Variants in RPS6KB1 observed in about 807,000 individuals in gnomAD.
The protein encoded by RPS6KB1 is ribosomal protein S6 kinase beta-1.
In RPS6KB1, 12 loss-of-function variants were observed where a neutral mutation model predicts 70.2. The ratio of observed to expected loss-of-function variants is 0.17; its 90% confidence interval spans 0.11 to 0.28. The LOEUF (loss-of-function observed/expected upper bound fraction) is 0.28, where lower values mean the gene tolerates loss of function less well. RPS6KB1 is among the 10% of genes least tolerant of loss of function. The pLI is 1.00. For missense variants in RPS6KB1, 270 were observed against 646.6 expected (o/e 0.42, Z 6.32); for synonymous variants, 175 against 211.2 (o/e 0.83, Z 1.49).
At chr17:59,942,234 C>T (rs1056106932) in intron 13 of RPS6KB1, among the ~76,000 whole-genome samples, 3 of 152,140 alleles carry the variant, frequency 2.0e-5, no homozygotes, top group African/African-American at 4.8e-5. Flanking sequence ...CATGAGCCAC[C>T]GTGCCAGGCC....
intron 4 of RPS6KB1, among the ~76,000 whole-genome samples, chr17:59,923,773 G>T (rs2043420810): frequency 6.6e-6 from 1 of 152,036 alleles, no homozygotes; most frequent in African/African-American, 2.4e-5. Context: ...CTCCCAAAGT[G>T]CTGGAATTAC....
chr17:59,942,017 C>T (rs1446775583), intron 13 of RPS6KB1, among the ~76,000 whole-genome samples: 1 of 152,158 alleles, frequency 6.6e-6, no homozygotes, highest in Non-Finnish European at 1.5e-5. Context: ...CGCCACCACG[C>T]CAGGCTAATT....
intron 1 of RPS6KB1, among the ~76,000 whole-genome samples, chr17:59,897,732 C>T (rs138386318): frequency 3.9e-5 from 6 of 152,024 alleles, no homozygotes; most frequent in Non-Finnish European, 4.4e-5. Context: ...TTTGGGAGGC[C>T]GAGGCAGGTG....
rs562181193 is a variant in RPS6KB1 at position 59,904,618 on chromosome 17, T to G, written c.142-5944T>G. Among the ~76,000 whole-genome samples, 101 of 151,720 alleles carry G rather than the reference T, an allele frequency of 6.7e-4. 1 individual carries two copies. The South Asian group carries it at 0.021, about 32-fold the overall frequency. On this transcript the variant is annotated intron_variant, in intron 1 of 14. Transcript: ENST00000225577. ...CATGTTGGCCAGGCTGGTGTCGAATTCCTGTCCTCAAATTATCCTCCTGCC... is the reference window on the plus strand; with the variant it reads ...CATGTTGGCCAGGCTGGTGTCGAATGCCTGTCCTCAAATTATCCTCCTGCC...
At chr17:59,914,585 A>G (rs373965675) in intron 3 of RPS6KB1, 50 bp from the exon 4 acceptor site, 2 of 1,314,662 alleles carry the variant, frequency 1.5e-6, no homozygotes, top group Non-Finnish European at 1.1e-6. Flanking sequence ...TTAAGGGAGT[A>G]TGCCTGACAT....
At chr17:59,912,829 G>T in intron 3 of RPS6KB1, 25 bp downstream of exon 3, 1 of 1,612,074 alleles carries the variant, frequency 6.2e-7, no homozygotes, top group Non-Finnish European at 8.5e-7. Context: ...TGAAATGAGA[G>T]CTGTTGTCTG....
At chr17:59,938,337 T>C (rs1267111488) in intron 12 of RPS6KB1, among the ~76,000 whole-genome samples, 1 of 151,942 alleles carries the variant, frequency 6.6e-6, no homozygotes, top group Admixed American at 6.6e-5. Flanking sequence ...TTTTTAAATT[T>C]TTTCTAGAGA....
intron 4 of RPS6KB1, among the ~76,000 whole-genome samples, chr17:59,923,462 C>T (rs187955448): frequency 5.3e-5 from 8 of 152,082 alleles, no homozygotes; most frequent in Admixed American, 4.6e-4. Flanking sequence ...CAAAGTGCTT[C>T]ATATTGTTAG....
rs964047613 is a variant in RPS6KB1 at position 59,949,961 on chromosome 17, G to C, written c.*3173G>C. 2 of 152,426 alleles carry C rather than the reference G, an allele frequency of 1.3e-5. No homozygotes were observed. Among genetic ancestry groups the C allele is most frequent in the Non-Finnish European group, 2.9e-5 (2 of 67,922 alleles). 9.4% of individuals were successfully genotyped at this position (152,426 alleles called of 1,614,324 possible). A position where few individuals can be genotyped will look rare whatever the true frequency, so the allele number is the denominator to read the frequency against. ...TAAGATTATTCCCATGAGAAATGTT[G>C]AATTTATGAAGAATAGATTTTAAGG... On this transcript the variant is annotated 3_prime_UTR_variant, in exon 15 of 15. Transcript: ENST00000225577.
intron 1 of RPS6KB1, among the ~76,000 whole-genome samples, chr17:59,909,411 G>T (rs893565710): frequency 6.6e-6 from 1 of 150,844 alleles, no homozygotes; most frequent in South Asian, 2.1e-4. Flanking sequence ...GGAACTACAG[G>T]CATGCGACAC....
intron 1 of RPS6KB1, among the ~76,000 whole-genome samples, chr17:59,895,266 C>T (rs932314794): frequency 5.4e-5 from 8 of 148,960 alleles, no homozygotes; most frequent in East Asian, 4.0e-4. Context: ...GTAATCTGCC[C>T]GCCTCGGCCT....
intron 5 of RPS6KB1, among the ~76,000 whole-genome samples, chr17:59,928,993 CTT>C (rs2043781946): frequency 6.6e-6 from 1 of 152,140 alleles, no homozygotes; most frequent in Non-Finnish European, 1.5e-5. Context: ...GTGATGTTAA[CTT>C]TGGTCACATG....
rs1407718694 is a variant in RPS6KB1 at position 59,949,777 on chromosome 17, C to T, written c.*2989C>T. On this transcript the variant is annotated 3_prime_UTR_variant, in exon 15 of 15. Transcript: ENST00000225577. ...GGGTGGAGGATGCATGTATGATACT[C>T]CATAAATTCAACATTCTTTACTATA... is the stretch of plus-strand genomic sequence containing the variant. 6.6e-6 allele frequency: 1 copy of T among 152,180 alleles called. No individual in the cohort carries two copies. Among genetic ancestry groups the T allele is most frequent in the Non-Finnish European group, 1.5e-5 (1 of 67,860 alleles). The allele number at this position is 152,180 out of a possible 1,614,324, so 9.4% of individuals were successfully genotyped here. A position where few individuals can be genotyped will look rare whatever the true frequency, so the allele number is the denominator to read the frequency against.
At chr17:59,920,167 G>A (rs2043188028) in intron 4 of RPS6KB1, among the ~76,000 whole-genome samples, 2 of 151,306 alleles carry the variant, frequency 1.3e-5, no homozygotes, top group Non-Finnish European at 2.9e-5. Context: ...ACAGGTGCCC[G>A]CCACCACACC....
At chr17:59,899,033 G>A (rs975375910) in intron 1 of RPS6KB1, among the ~76,000 whole-genome samples, 2 of 151,590 alleles carry the variant, frequency 1.3e-5, no homozygotes, top group South Asian at 2.1e-4. Context: ...TGAAAACCCC[G>A]TCTCTATTAA....
intron 4 of RPS6KB1, among the ~76,000 whole-genome samples, chr17:59,922,864 A>T (rs1379636528): frequency 3.8e-5 from 5 of 131,240 alleles, no homozygotes; most frequent in South Asian, 2.6e-4. Context: ...TTTTAAAAAA[A>T]TTTGTTTGTT....
At chr17:59,908,898 G>T (rs1376415220) in intron 1 of RPS6KB1, among the ~76,000 whole-genome samples, 1 of 137,202 alleles carries the variant, frequency 7.3e-6, no homozygotes, top group Admixed American at 7.5e-5. Flanking sequence ...GATTACAAGC[G>T]TGAGCCACCG....
chr17:59,923,624 C>T (rs1708217721), intron 4 of RPS6KB1, among the ~76,000 whole-genome samples: 1 of 151,980 alleles, frequency 6.6e-6, no homozygotes. Flanking sequence ...AGTTTTCTGC[C>T]TCCGCCTCCT....
At position 59,936,567 on chromosome 17, in the gene RPS6KB1, TG is replaced by T. The variant is rs1207058773; in HGVS notation, c.1119+29del. The T allele has an allele frequency of 4.4e-6, 7 of 1,574,296 alleles. No individual in the cohort carries two copies. In the African/African-American group the frequency reaches 9.4e-5, roughly 21 times the overall value. On this transcript the variant is annotated intron_variant, in intron 12 of 14. Transcript: ENST00000225577. ...GTAAGTATACATGAAAGTGTATAAT[TG>T]GGTGCAGTGGCTCACGCCTGTAATC... is the stretch of plus-strand genomic sequence containing the variant.
Sources: gnomAD v4.1 joint callset for allele counts (sites outside exome capture counted in the v4.1 genomes callset) on GRCh38, gnomAD v4.1.1 for gene constraint, MANE v1.5 for transcripts, NCBI Gene and HGNC (gene_info 2026-07-23, HGNC 2026-07-21) for gene names.